The following PKHD1 variants were observed in gnomAD, a reference collection of about 807,000 sequenced individuals.
The protein encoded by PKHD1 is fibrocystin.
A neutral mutation model predicts 412.0 loss-of-function variants in PKHD1; 291 were observed. The ratio of observed to expected loss-of-function variants is 0.71; its 90% CI spans 0.64 to 0.78. The LOEUF (loss-of-function observed/expected upper bound fraction) is 0.78, where lower values mean the gene tolerates loss of function less well. PKHD1 is among the 30% of genes least tolerant of loss of function. The pLI is 0.00. For synonymous variants in PKHD1, 1,777 were observed against 1,821.5 expected, an observed-to-expected ratio of 0.98 and a Z score of 0.62; for missense variants, 4,825 against 4,950.7, an observed-to-expected ratio of 0.97 and a Z score of 0.76.
intron 4 of PKHD1, among the ~76,000 whole-genome samples, chr6:52,081,132 C>A (rs13217774): frequency 2.0e-5 from 3 of 152,018 alleles, no homozygotes; most frequent in Non-Finnish European, 4.4e-5. Context: ...GATCATATTT[C>A]TTTTCTTTAA....
At chr6:51,699,473 G>A (rs1330012337) in intron 60 of PKHD1, among the ~76,000 whole-genome samples, 1 of 152,110 alleles carries the variant, frequency 6.6e-6, no homozygotes, top group Non-Finnish European at 1.5e-5. Context: ...TCTTGATGAA[G>A]GATATCTGGG....
At chr6:52,004,994 T>C (rs1798875582) in intron 35 of PKHD1, among the ~76,000 whole-genome samples, 1 of 152,066 alleles carries the variant, frequency 6.6e-6, no homozygotes. Context: ...TTTGCACAGC[T>C]CCCTCCTCTC....
At chr6:51,905,266 T>C (rs1332061016) in intron 41 of PKHD1, among the ~76,000 whole-genome samples, 5 of 152,196 alleles carry the variant, frequency 3.3e-5, no homozygotes, top group Non-Finnish European at 7.3e-5. Flanking sequence ...TTCTTTCAAC[T>C]AATAGATCTA....
chr6:51,717,755 C>T (rs73738171), intron 60 of PKHD1, among the ~76,000 whole-genome samples: 2,099 of 152,116 alleles, frequency 0.014, 47 homozygotes, highest in African/African-American at 0.047. Context: ...GTAAGCAATC[C>T]GTCAATAGGC....
rs1582884710 is a variant in PKHD1, at chr6:51,822,511, C to T, written c.8302+8350G>A. 3.9e-5 allele frequency among the ~76,000 whole-genome samples: 6 copies of T among 152,252 alleles called. 1 individual carries two copies. The highest frequency in any genetic ancestry group is 3.9e-4 in the Admixed American group (6 of 15,282). The stretch of plus-strand genomic sequence containing the variant: ...AATTAGCATTGCCCTAAGATGCTGA[C>T]TTCTACCCAATCCTTATATCTCTCT... On this transcript the variant is annotated intron_variant, in intron 52 of 66. Transcript: ENST00000371117.
At chr6:51,937,815 C>G (rs1787760555) in intron 36 of PKHD1, among the ~76,000 whole-genome samples, 1 of 152,154 alleles carries the variant, frequency 6.6e-6, no homozygotes, top group Non-Finnish European at 1.5e-5. Context: ...GAGTCTGACA[C>G]CTATTCAACC....
chr6:51,882,255 A>G (rs1017348887), intron 46 of PKHD1, among the ~76,000 whole-genome samples: 6 of 151,106 alleles, frequency 4.0e-5, no homozygotes, highest in Non-Finnish European at 7.4e-5. Context: ...TTTTAGAGGG[A>G]AAAAAAAACT....
chr6:52,040,925 G>A (rs1191711686), intron 27 of PKHD1, among the ~76,000 whole-genome samples: 1 of 152,118 alleles, frequency 6.6e-6, no homozygotes, highest in African/African-American at 2.4e-5. Flanking sequence ...CATTAATAAT[G>A]CCTGGTAATA....
intron 36 of PKHD1, among the ~76,000 whole-genome samples, chr6:51,947,223 C>T (rs1789593163): frequency 6.6e-6 from 1 of 152,174 alleles, no homozygotes; most frequent in Non-Finnish European, 1.5e-5. Context: ...ACAACTTGGT[C>T]ACTTCTTTCC....
rs2151263317 is a variant in PKHD1, at chr6:51,791,378, G to A, written c.8303-5C>T. On this transcript the variant is annotated splice_region_variant and splice_polypyrimidine_tract_variant and intron_variant, in intron 52 of 66. Transcript: ENST00000371117. ...TATCCACAAGGACAGTTCTGTCTGT[G>A]GAAGAAAAAGAAATTGCTCAGATAT... The A allele has an allele frequency of 6.2e-7, 1 of 1,613,210 alleles. No homozygotes were observed. The highest frequency in any genetic ancestry group is 8.5e-7 in the Non-Finnish European group (1 of 1,179,322).
chr6:51,764,607 ATG>A (rs1788655206), intron 55 of PKHD1, among the ~76,000 whole-genome samples: 1 of 151,234 alleles, frequency 6.6e-6, no homozygotes, highest in Admixed American at 6.6e-5. Flanking sequence ...ATAAAGACAC[ATG>A]CACACGTATG....
intron 34 of PKHD1, among the ~76,000 whole-genome samples, chr6:52,016,937 T>C (rs1455291846): frequency 1.3e-5 from 2 of 152,242 alleles, no homozygotes; most frequent in African/African-American, 4.8e-5. Flanking sequence ...TTCTAAATCC[T>C]AGATCTACAG....
At chr6:51,670,600 C>T (rs1389128222) in intron 60 of PKHD1, among the ~76,000 whole-genome samples, 1 of 151,356 alleles carries the variant, frequency 6.6e-6, no homozygotes, top group Non-Finnish European at 1.5e-5. Flanking sequence ...ATGATGTTAG[C>T]TGGTTATTTT....
At chr6:51,832,271 A>G (rs1768385224) in intron 51 of PKHD1, among the ~76,000 whole-genome samples, 2 of 152,108 alleles carry the variant, frequency 1.3e-5, no homozygotes, top group South Asian at 2.1e-4. Context: ...GTAGTAACTC[A>G]GCTGCATTTT....
intron 35 of PKHD1, among the ~76,000 whole-genome samples, chr6:51,977,603 C>T (rs986281901): frequency 6.6e-6 from 1 of 152,208 alleles, no homozygotes; most frequent in Non-Finnish European, 1.5e-5. Flanking sequence ...TTTGCACATA[C>T]TGCTGTAGTC....
At chr6:51,988,193 C>A (rs777819841) in intron 35 of PKHD1, among the ~76,000 whole-genome samples, 7 of 151,962 alleles carry the variant, frequency 4.6e-5, no homozygotes, top group Admixed American at 1.3e-4. Flanking sequence ...ATGAAAACGC[C>A]CTATGTCTTC....
intron 61 of PKHD1, among the ~76,000 whole-genome samples, chr6:51,654,312 T>G (rs1771460538): frequency 6.6e-6 from 1 of 152,138 alleles, no homozygotes; most frequent in Admixed American, 6.6e-5. Context: ...AGATACGGAA[T>G]GAGATTTAGT....
chr6:51,794,634 AG>A (rs1562326038), intron 52 of PKHD1, among the ~76,000 whole-genome samples: 1 of 152,118 alleles, frequency 6.6e-6, no homozygotes, highest in Non-Finnish European at 1.5e-5. Context: ...ATTTTCTTCC[AG>A]GGTTTTTATG....
At chr6:52,073,565 A>G in intron 6 of PKHD1, 24 bp from the exon 7 acceptor site, 2 of 1,361,388 alleles carry the variant, frequency 1.5e-6, no homozygotes, top group South Asian at 2.3e-5. Flanking sequence ...AATTTTTTTA[A>G]TTTAATGGAC....
Sources: gnomAD v4.1 joint callset for allele counts (sites outside exome capture counted in the v4.1 genomes callset) on GRCh38, gnomAD v4.1.1 for gene constraint, MANE v1.5 for transcripts, NCBI Gene and HGNC (gene_info 2026-07-23, HGNC 2026-07-21) for gene names.